The following APOLD1 variants were observed in gnomAD, a reference collection of about 807,000 sequenced individuals.
APOLD1 encodes apolipoprotein L domain-containing protein 1.
In APOLD1, 22 loss-of-function variants were observed where a neutral mutation model predicts 15.3. The observed-to-expected ratio is 1.44, with a 90% confidence interval of 1.03 to 2.05. APOLD1 has a LOEUF of 2.05. Ranked by LOEUF, APOLD1 falls within the 30% of genes most tolerant of loss-of-function variation. APOLD1 has a pLI of 0.00. For synonymous variants in APOLD1, 190 were observed against 167.4 expected (o/e 1.13, Z -1.04); for missense variants, 394 against 353.5 (o/e 1.11, Z -0.92).
upstream of APOLD1, chr12:12,785,498 T>C: frequency 1.3e-6 from 1 of 783,320 alleles, no homozygotes. Flanking sequence ...ATACGGGATG[T>C]GCTGTGCTGG....
At chr12:12,756,531 A>G (rs763290483) in intron 1 of APOLD1, among the ~76,000 whole-genome samples, 32 of 152,322 alleles carry the variant, frequency 2.1e-4, no homozygotes, top group Non-Finnish European at 4.4e-4. Flanking sequence ...TGTGGTAAAC[A>G]TAACATAAAT....
At chr12:12,760,236 G>A (rs1946887558) in intron 1 of APOLD1, among the ~76,000 whole-genome samples, 1 of 152,084 alleles carries the variant, frequency 6.6e-6, no homozygotes, top group Admixed American at 6.6e-5. Context: ...TGAGATGGGA[G>A]GATCACTTGA....
chr12:12,761,683 C>A (rs1946899550), intron 1 of APOLD1, among the ~76,000 whole-genome samples: 1 of 151,844 alleles, frequency 6.6e-6, no homozygotes, highest in Admixed American at 6.6e-5. Context: ...CAAATCATGA[C>A]CTGTCCCTAA....
At position 12,789,337 on chromosome 12, in the gene APOLD1, C is replaced by G. The variant is rs1947163258; in HGVS notation, c.*1685C>G. Reference sequence around the variant, plus strand: ...CTTTTTCTCTAGTGTTTTAAGTGATCCTTTGAAGTAAGTGTGGAGAGTCTT... The same window carrying G: ...CTTTTTCTCTAGTGTTTTAAGTGATGCTTTGAAGTAAGTGTGGAGAGTCTT... On this transcript the variant is annotated 3_prime_UTR_variant, in exon 2 of 2. Coordinates refer to ENST00000356591, the MANE Select transcript of APOLD1 (RefSeq NM_030817.3). The G allele has an allele frequency of 6.6e-6, 1 of 152,120 alleles. No homozygotes were observed. The highest frequency in any genetic ancestry group is 1.5e-5 in the Non-Finnish European group (1 of 68,034). 9.4% of individuals were successfully genotyped at this position (152,120 alleles called of 1,614,324 possible).
At chr12:12,777,913 TTTTTTTTTTTTTG>T (rs1947049177) in intron 1 of APOLD1, among the ~76,000 whole-genome samples, 1 of 140,108 alleles carries the variant, frequency 7.1e-6, no homozygotes, top group South Asian at 2.4e-4. Context: ...TTTTTTTTTT[TTTTTTTTTTTTTG>T]TTGTTGTTGT....
chr12:12,745,131 C>G (rs1946755949), intron 1 of APOLD1, among the ~76,000 whole-genome samples: 1 of 152,170 alleles, frequency 6.6e-6, no homozygotes, highest in Non-Finnish European at 1.5e-5. Flanking sequence ...CCTAGAGGGC[C>G]TTTGTTGAAT....
intron 1 of APOLD1, among the ~76,000 whole-genome samples, chr12:12,758,440 G>A (rs112834161): frequency 0.031 from 4,640 of 152,068 alleles, 239 homozygotes; most frequent in African/African-American, 0.1. Context: ...GGCTATTAAG[G>A]AGTCTGAGGC....
At chr12:12,761,490 A>G (rs1946897919) in intron 1 of APOLD1, among the ~76,000 whole-genome samples, 2 of 152,022 alleles carry the variant, frequency 1.3e-5, no homozygotes, top group Admixed American at 6.6e-5. Flanking sequence ...ATATTTATCA[A>G]ATTCAAAATA....
At position 12,787,970 on chromosome 12, in the gene APOLD1, C is replaced by T. The variant is rs2063740599; in HGVS notation, c.*318C>T. 2 of 273,480 alleles carry T rather than the reference C, an allele frequency of 7.3e-6. No homozygotes were observed. Among genetic ancestry groups the T allele is most frequent in the Non-Finnish European group, 1.4e-5 (2 of 144,172 alleles). The allele number at this position is 273,480 out of a possible 1,614,324, so 16.9% of individuals were successfully genotyped here. ...CCTGTTTTAAAGTTATTTCGGGGTC[C>T]CTGACCCTGCCCTGGTGGCTTGGCC... On this transcript the variant is annotated 3_prime_UTR_variant, in exon 2 of 2. Coordinates refer to ENST00000356591, the MANE Select transcript of APOLD1 (RefSeq NM_030817.3). The surrounding 1 kb of genome is among the most constrained non-coding windows in gnomAD (Gnocchi z 4.9).
At chr12:12,748,627 A>T (rs1946783458) in intron 1 of APOLD1, among the ~76,000 whole-genome samples, 1 of 145,174 alleles carries the variant, frequency 6.9e-6, no homozygotes, top group African/African-American at 2.6e-5. Context: ...TCTTCTAGCT[A>T]TTTTGAAATA....
At chr12:12,751,537 G>A (rs1336160630) in intron 1 of APOLD1, among the ~76,000 whole-genome samples, 1 of 152,148 alleles carries the variant, frequency 6.6e-6, no homozygotes, top group Non-Finnish European at 1.5e-5. Flanking sequence ...TTTCAGAAGA[G>A]ACAAGGCATT....
At chr12:12,770,567 GAAAA>G (rs36112693) in intron 1 of APOLD1, among the ~76,000 whole-genome samples, 1 of 119,272 alleles carries the variant, frequency 8.4e-6, no homozygotes, top group Non-Finnish European at 1.8e-5. Context: ...AAAAAAGACT[GAAAA>G]AAAAAAAAAA....
intron 1 of APOLD1, among the ~76,000 whole-genome samples, chr12:12,739,085 G>A (rs1456183280): frequency 6.6e-6 from 1 of 152,228 alleles, no homozygotes; most frequent in Non-Finnish European, 1.5e-5. Flanking sequence ...CAGATTTGGG[G>A]AGGGGGGTGT....
At chr12:12,755,018 T>C (rs1456508594) in intron 1 of APOLD1, among the ~76,000 whole-genome samples, 17 of 151,970 alleles carry the variant, frequency 1.1e-4, no homozygotes, top group Non-Finnish European at 2.1e-4. Flanking sequence ...TGCACTCCAG[T>C]CTGGGCGACA....
At chr12:12,749,464 G>T (rs1188450917) in intron 1 of APOLD1, among the ~76,000 whole-genome samples, 2 of 152,176 alleles carry the variant, frequency 1.3e-5, no homozygotes. Flanking sequence ...CCCAGCAGAT[G>T]GGCAATTGGC....
chr12:12,738,490 A>G (rs1946707201), intron 1 of APOLD1, among the ~76,000 whole-genome samples: 1 of 152,166 alleles, frequency 6.6e-6, no homozygotes, highest in Non-Finnish European at 1.5e-5. Context: ...AGAAGCATGA[A>G]CCACTGTGCC....
At position 12,725,933 on chromosome 12, in the gene APOLD1, G is replaced by C. The variant is rs1946586828; in HGVS notation, c.-68G>C. The C allele has an allele frequency of 3.8e-6, 5 of 1,314,310 alleles. No individual in the cohort carries two copies. The South Asian group carries it at 6.6e-5, about 17-fold the overall frequency. The allele number at this position is 1,314,310 out of a possible 1,614,324, so 81.4% of individuals were successfully genotyped here. ...GCGGTTGACAGTGTGCAGGCAGGCG[G>C]GGGTGCGCGGGGCGGTCAGCGATCT... On this transcript the variant is annotated 5_prime_UTR_variant, in exon 1 of 2. Transcript: ENST00000326765.
intron 1 of APOLD1, among the ~76,000 whole-genome samples, chr12:12,749,758 A>G (rs932384892): frequency 6.6e-5 from 10 of 152,162 alleles, no homozygotes; most frequent in Non-Finnish European, 5.9e-5. Context: ...CGGGTTTTTG[A>G]GCCGCTGCTC....
At position 12,774,492 on chromosome 12, in the gene APOLD1, G is replaced by C. The variant is rs548513072; in HGVS notation, c.97-12417G>C. Among the ~76,000 whole-genome samples the C allele has an allele frequency of 5.7e-4, 73 of 128,868 alleles. 3 individuals carry two copies. In the South Asian group the frequency reaches 0.018, roughly 31 times the overall value. 84.5% of individuals were successfully genotyped at this position (128,868 alleles called of 152,430 possible). ...ACCCAGAAGGCAGAGGTTGCAGTGA[G>C]CTAAGATCACACTGCTGCACTCTGG... On this transcript the variant is annotated intron_variant, in intron 1 of 1. Coordinates refer to the APOLD1 transcript ENST00000326765.
Sources: allele counts gnomAD v4.1 joint callset (sites outside exome capture counted in the v4.1 genomes callset), GRCh38; gene constraint gnomAD v4.1.1; non-coding constraint Gnocchi (gnomAD v3.1); transcripts MANE v1.5; gene names NCBI Gene and HGNC (gene_info 2026-07-23, HGNC 2026-07-21).